Variants in SPRY4 observed in about 807,000 individuals in gnomAD.
The protein encoded by SPRY4 is sprouty RTK signaling antagonist 4.
In SPRY4, 7 loss-of-function variants were observed where a neutral mutation model predicts 17.0. The ratio of observed to expected loss-of-function variants is 0.41; its 90% CI spans 0.23 to 0.77. The LOEUF (loss-of-function observed/expected upper bound fraction) is 0.77, where lower values mean the gene tolerates loss of function less well. Ranked by LOEUF, SPRY4 falls within the 30% of genes least tolerant of loss-of-function variation. SPRY4 has a pLI of 0.32. For missense variants in SPRY4, 435 were observed against 419.9 expected, an observed-to-expected ratio of 1.04 and a Z score of -0.31; for synonymous variants, 183 against 174.1, an observed-to-expected ratio of 1.05 and a Z score of -0.40.
rs1345763516 is a variant in SPRY4, at chr5:142,314,318, C to T, written c.791G>A (p.Gly264Asp). 6.2e-7 allele frequency: 1 copy of T among 1,613,958 alleles called. No homozygotes were observed. The highest frequency in any genetic ancestry group is 1.1e-5 in the South Asian group (1 of 91,070). ...ACCAGGGCGGCGCAGACGGTCGTAG[C>T]CACGCTGGGCCAGCTTCACGCAGCC... is the stretch of plus-strand genomic sequence containing the variant. ...ATGCVKLAQR[G>D]YDRLRRPGCR... Residue 264 changes from glycine (G) to aspartate (D), a missense_variant, in exon 2 of 2, where the codon GGC becomes GAC. By Grantham distance (94) the Gly-to-Asp change is moderately conservative. Transcript: ENST00000434127. This position sits in a 1 kb window ranked among gnomAD's most constrained non-coding sequence, Gnocchi z 4.8.
intron 1 of SPRY4, among the ~76,000 whole-genome samples, chr5:142,320,061 T>A (rs1032156452): frequency 2.6e-5 from 4 of 152,206 alleles, no homozygotes; most frequent in African/African-American, 9.7e-5. Flanking sequence ...CAACTCAGAA[T>A]AAAGGTCTCT....
intron 1 of SPRY4, chr5:142,317,422 C>A (rs555821944): frequency 2.2e-4 from 213 of 985,222 alleles, no homozygotes; most frequent in Non-Finnish European, 2.6e-4. Flanking sequence ...AGAACCCTCA[C>A]CCCCGGACAA....
rs965991335 is a variant in SPRY4 at position 142,325,016 on chromosome 5, T to C, written c.-220A>G. On this transcript the variant is annotated 5_prime_UTR_variant, in exon 1 of 2. Coordinates refer to ENST00000434127, the MANE Select transcript of SPRY4 (RefSeq NM_001127496.3). ...GCTCAGCTCGCTACCTCCGCGGCGA[T>C]GTTGCAACCACTGCCTGGGAAAATG... is the stretch of plus-strand genomic sequence containing the variant. The C allele has an allele frequency of 6.6e-6, 1 of 152,660 alleles. No individual in the cohort carries two copies. The highest frequency in any genetic ancestry group is 2.4e-5 in the African/African-American group (1 of 41,468). 9.5% of individuals were successfully genotyped at this position (152,660 alleles called of 1,614,324 possible).
intron 1 of SPRY4, among the ~76,000 whole-genome samples, chr5:142,321,789 T>C (rs140031567): frequency 9.8e-5 from 15 of 152,288 alleles, no homozygotes; most frequent in Non-Finnish European, 2.1e-4. Context: ...AGGCCTCCTT[T>C]GCACCAACAC....
chr5:142,323,257 G>T (rs945940368), intron 1 of SPRY4, among the ~76,000 whole-genome samples: 12 of 143,632 alleles, frequency 8.4e-5, no homozygotes, highest in Non-Finnish European at 4.7e-5. Flanking sequence ...TGTCAGGGAG[G>T]TTAGTGCCTC....
Position 142,315,109 on chromosome 5 carries a change from G to A in SPRY4, c.-1C>T. The A allele has an allele frequency of 6.2e-7, 1 of 1,609,040 alleles. No individual in the cohort carries two copies. The highest frequency in any genetic ancestry group is 8.5e-7 in the Non-Finnish European group (1 of 1,179,908). On this transcript the variant is annotated 5_prime_UTR_variant, in exon 2 of 2. Transcript: ENST00000434127. ...CGCTCTGTGGGATCGGGGGCTCCATGGGGCTGGAGGTCCTGGACTGTACGG... is the reference window on the plus strand; with the variant it reads ...CGCTCTGTGGGATCGGGGGCTCCATAGGGCTGGAGGTCCTGGACTGTACGG...
intron 1 of SPRY4, chr5:142,317,222 A>G: frequency 1.0e-6 from 1 of 985,460 alleles, no homozygotes; most frequent in Non-Finnish European, 1.2e-6. Flanking sequence ...AATTCCAGGG[A>G]ATGCTACCTC....
Position 142,315,302 on chromosome 5 carries a change from C to G in SPRY4, c.-47-147G>C, listed in dbSNP as rs947194346. 1.4e-5 allele frequency: 8 copies of G among 591,906 alleles called. No individual in the cohort carries two copies. In the East Asian group the frequency reaches 2.2e-4, roughly 16 times the overall value. The allele number at this position is 591,906 out of a possible 1,614,324, so 36.7% of individuals were successfully genotyped here. A position where few individuals can be genotyped will look rare whatever the true frequency, so the allele number is the denominator to read the frequency against. On this transcript the variant is annotated intron_variant, in intron 1 of 1. Coordinates refer to ENST00000434127, the MANE Select transcript of SPRY4 (RefSeq NM_001127496.3). ...CCTCTGTGGACTTTCCAGTGACTCC[C>G]CAAGCTTAAGATGATTAATAATGAC...
chr5:142,319,052 G>C (rs1055403468), intron 1 of SPRY4, among the ~76,000 whole-genome samples: 6 of 152,160 alleles, frequency 3.9e-5, no homozygotes, highest in Non-Finnish European at 8.8e-5. Context: ...GACCAGAGCA[G>C]GATTTGAACC....
chr5:142,314,345 G>T lies in SPRY4; in HGVS notation c.764C>A (p.Thr255Asn). ...LPCLLCYLPA[T>N]GCVKLAQRGY... ...ACGCTGGGCCAGCTTCACGCAGCCGGTGGCAGGCAGGTAGCAGAGCAGGCA... is the reference window on the plus strand; with the variant it reads ...ACGCTGGGCCAGCTTCACGCAGCCGTTGGCAGGCAGGTAGCAGAGCAGGCA... The change falls in exon 2 of 2, where the codon ACC becomes AAC. Residue 255 changes from threonine (T) to asparagine (N), a missense_variant. Coordinates refer to ENST00000434127, the MANE Select transcript of SPRY4 (RefSeq NM_001127496.3). The surrounding 1 kb of genome is among the most constrained non-coding windows in gnomAD (Gnocchi z 4.8). The T allele has an allele frequency of 1.2e-6, 2 of 1,614,090 alleles. No individual in the cohort carries two copies. Among genetic ancestry groups the T allele is most frequent in the Admixed American group, 1.7e-5 (1 of 60,012 alleles).
chr5:142,324,812 G>C (rs1054826781), intron 1 of SPRY4, 32 bp downstream of exon 1: 1 of 152,898 alleles, frequency 6.5e-6, no homozygotes, highest in Non-Finnish European at 1.5e-5. Flanking sequence ...GAGAGGGGCA[G>C]TTTCAGATCT....
In SPRY4 at chr5:142,311,044, C is replaced by G. The variant is rs1758888882; in HGVS notation, c.*3165G>C. 1 of 152,216 alleles carries G rather than the reference C, an allele frequency of 6.6e-6. No homozygotes were observed. The highest frequency in any genetic ancestry group is 2.4e-5 in the African/African-American group (1 of 41,430). The allele number at this position is 152,216 out of a possible 1,614,324, so 9.4% of individuals were successfully genotyped here. A position where few individuals can be genotyped will look rare whatever the true frequency, so the allele number is the denominator to read the frequency against. ...TGGACAAGTCATTATCTAGCTGGGC[C>G]TCACTCGAGGTATGATGGCGACTGA... On this transcript the variant is annotated 3_prime_UTR_variant, in exon 2 of 2. Transcript: ENST00000434127.
intron 1 of SPRY4, among the ~76,000 whole-genome samples, chr5:142,321,265 C>T (rs1245816493): frequency 6.6e-6 from 1 of 152,216 alleles, no homozygotes; most frequent in Non-Finnish European, 1.5e-5. Flanking sequence ...TAGTCCTGGC[C>T]GCTCACTAGC....
Position 142,310,616 on chromosome 5 carries a change from TGTG to T in SPRY4, c.*3590_*3592del, listed in dbSNP as rs1319656653. 2 of 152,560 alleles carry T rather than the reference TGTG, an allele frequency of 1.3e-5. No individual in the cohort carries two copies. Among genetic ancestry groups the T allele is most frequent in the East Asian group, 3.9e-4 (2 of 5,172 alleles). 9.5% of individuals were successfully genotyped at this position (152,560 alleles called of 1,614,324 possible). On this transcript the variant is annotated 3_prime_UTR_variant, in exon 2 of 2. Coordinates refer to ENST00000434127, the MANE Select transcript of SPRY4 (RefSeq NM_001127496.3). ...ATACAAAGAAAACCTGTGGCAACTT[TGTG>T]GTGGGGTGGAAATGGGCTACAGTGA...
At chr5:142,316,941 C>T (rs1209118857) in intron 1 of SPRY4, 9 of 960,832 alleles carry the variant, frequency 9.4e-6, no homozygotes, top group East Asian at 1.1e-4. Context: ...TTTCTTTACA[C>T]GCCTTGTTTT....
intron 1 of SPRY4, among the ~76,000 whole-genome samples, chr5:142,320,151 A>G (rs1936818839): frequency 6.6e-6 from 1 of 152,214 alleles, no homozygotes. Context: ...AGCTACAACC[A>G]AATAATGACT....
rs1462713194 is a variant in SPRY4, at chr5:142,314,428, G to A, written c.681C>T (p.Ser227=). Residue 227 remains serine, a synonymous_variant, in exon 2 of 2, where the codon TCC becomes TCT. Transcript: ENST00000434127. This position sits in a 1 kb window ranked among gnomAD's most constrained non-coding sequence, Gnocchi z 4.8. ...ACCAGCGGGCGCAGCAGTTGGAGCG[G>A]GAGCAGGAGCAGGGGTGGTCAGCGC... The part of the protein sequence containing the change: ...GSCADHPCSC[S]RSNCCARWSF... 2 of 1,613,932 alleles carry A rather than the reference G, an allele frequency of 1.2e-6. No individual in the cohort carries two copies. Among genetic ancestry groups the A allele is most frequent in the Non-Finnish European group, 1.7e-6 (2 of 1,179,980 alleles).
At chr5:142,322,298 C>T (rs1759368963) in intron 1 of SPRY4, among the ~76,000 whole-genome samples, 1 of 151,990 alleles carries the variant, frequency 6.6e-6, no homozygotes, top group South Asian at 2.1e-4. Flanking sequence ...TGGTGAAACC[C>T]TGTCTCTACT....
At position 142,314,079 on chromosome 5, in the gene SPRY4, G is replaced by T. The variant is rs181452240; in HGVS notation, c.*130C>A. ...GTGGTCTCTGTATTTTCCGAAGCTG[G>T]GGGTAGGGAGTGGGCAGACTAGCAA... On this transcript the variant is annotated 3_prime_UTR_variant, in exon 2 of 2. Coordinates refer to ENST00000434127, the MANE Select transcript of SPRY4 (RefSeq NM_001127496.3). This position sits in a 1 kb window ranked among gnomAD's most constrained non-coding sequence, Gnocchi z 4.8. 1.6e-3 allele frequency: 1,540 copies of T among 947,342 alleles called. 3 individuals are homozygous for T. Among genetic ancestry groups the T allele is most frequent in the Middle Eastern group, 2.6e-3 (10 of 3,778 alleles). 58.7% of individuals were successfully genotyped at this position (947,342 alleles called of 1,614,324 possible).
Sources: gnomAD v4.1 joint callset for allele counts (sites outside exome capture counted in the v4.1 genomes callset) on GRCh38, gnomAD v4.1.1 for gene constraint, Gnocchi (gnomAD v3.1) non-coding constraint, MANE v1.5 for transcripts, NCBI Gene and HGNC (gene_info 2026-07-23, HGNC 2026-07-21) for gene names.